The following PCSK1 variants were observed in gnomAD, a reference collection of about 807,000 sequenced individuals.
PCSK1 encodes proprotein convertase subtilisin/kexin type 1.
In PCSK1, 56 loss-of-function variants were observed where a neutral mutation model predicts 90.6. The ratio of observed to expected loss-of-function variants is 0.62; its 90% CI spans 0.50 to 0.77. PCSK1 has a LOEUF of 0.77. Among genes scored for constraint, PCSK1 ranks in the 30% least tolerant of loss-of-function variants. The pLI is 0.00. For synonymous variants in PCSK1, 348 were observed against 342.4 expected, an observed-to-expected ratio of 1.02 and a Z score of -0.18; for missense variants, 801 against 932.6, an observed-to-expected ratio of 0.86 and a Z score of 1.84.
At chr5:96,413,791 A>G (rs1760847876) in intron 6 of PCSK1, among the ~76,000 whole-genome samples, 2 of 94,438 alleles carry the variant, frequency 2.1e-5, no homozygotes, top group African/African-American at 4.3e-5. Context: ...ACAGAGCAAG[A>G]CTCTGTCTCA....
rs749026158 is a variant in PCSK1 at position 96,394,916 on chromosome 5, T to C, written c.1832A>G (p.Asn611Ser). 1 of 1,614,160 alleles carries C rather than the reference T, an allele frequency of 6.2e-7. No homozygotes were observed. Among genetic ancestry groups the C allele is most frequent in the Non-Finnish European group, 8.5e-7 (1 of 1,180,000 alleles). The part of the protein sequence containing the change: ...MKQPRVYTSY[N>S]TVQNDRRGVE... ...CCCTCTTCTGTCATTCTGAACAGTG[T>C]TGTAGGACGTGTACACACGAGGCTG... The change falls in exon 13 of 14, where the codon AAC becomes AGC. Residue 611 changes from asparagine to serine, a missense_variant. By Grantham distance (46) the Asn-to-Ser change is conservative (BLOSUM62 1). Coordinates refer to ENST00000311106, the MANE Select transcript of PCSK1 (RefSeq NM_000439.5).
At chr5:96,403,036 G>T (rs1760437472) in intron 9 of PCSK1, among the ~76,000 whole-genome samples, 1 of 152,168 alleles carries the variant, frequency 6.6e-6, no homozygotes, top group Admixed American at 6.5e-5. Flanking sequence ...TCATCAGTAT[G>T]TGCAGGTGCA....
At chr5:96,400,417 A>G (rs564118280) in intron 9 of PCSK1, among the ~76,000 whole-genome samples, 33 of 152,372 alleles carry the variant, frequency 2.2e-4, no homozygotes, top group Non-Finnish European at 3.8e-4. Context: ...TCCAGAGCAT[A>G]TAAGCTTTTA....
Position 96,397,585 on chromosome 5 carries a change from TTTAGTA to T in PCSK1, c.1589-122_1589-117del, listed in dbSNP as rs147690868. The T allele has an allele frequency of 2.4e-3, 2,367 of 966,278 alleles. 47 individuals carry two copies. In the African/African-American group the frequency reaches 0.035, roughly 14 times the overall value. 59.9% of individuals were successfully genotyped at this position (966,278 alleles called of 1,614,324 possible). On this transcript the variant is annotated intron_variant, in intron 11 of 13. Coordinates refer to ENST00000311106, the MANE Select transcript of PCSK1 (RefSeq NM_000439.5). ...AAGATGAGTTCTCCTAATTTTCTCTTTTAGTATAAGACCAGGATAGAGACACTCACA... is the reference window on the plus strand; with the variant it reads ...AAGATGAGTTCTCCTAATTTTCTCTTTAAGACCAGGATAGAGACACTCACA...
chr5:96,404,192 G>T (rs1285176042), intron 9 of PCSK1, among the ~76,000 whole-genome samples: 7 of 152,184 alleles, frequency 4.6e-5, no homozygotes, highest in Non-Finnish European at 1.5e-5. Context: ...GGTGGATGAG[G>T]TTGTAGGAAA....
chr5:96,425,044 GAAAGAAAGAAAGAAAGAA>G (rs1761256678), intron 3 of PCSK1, among the ~76,000 whole-genome samples: 1 of 127,070 alleles, frequency 7.9e-6, no homozygotes, highest in African/African-American at 2.7e-5. Flanking sequence ...AAGAAAGAAA[GAAAGAAAGAAAGAAAGAA>G]AGAAAGAAAG....
chr5:96,423,544 A>G, intron 3 of PCSK1, 85 bp from the exon 4 acceptor site: 1 of 1,248,468 alleles, frequency 8.0e-7, no homozygotes, highest in South Asian at 1.2e-5. Context: ...CTGGAGACCC[A>G]TCTTTCTTTT....
chr5:96,423,559 TG>T, intron 3 of PCSK1, 100 bp from the exon 4 acceptor site: 1 of 1,063,460 alleles, frequency 9.4e-7, no homozygotes, highest in Non-Finnish European at 1.4e-6. Context: ...TCTTTTTCCT[TG>T]GGTCACTCTA....
intron 1 of PCSK1, 73 bp downstream of exon 1, chr5:96,432,790 C>T: frequency 2.3e-6 from 3 of 1,318,880 alleles, no homozygotes; most frequent in Non-Finnish European, 3.3e-6. Context: ...GGGGCTCCCA[C>T]TTGGAAGACC....
At position 96,393,372 on chromosome 5, in the gene PCSK1, G is replaced by A. The variant is rs779179305; in HGVS notation, c.1891C>T (p.Pro631Ser). ...EKMVDPGEEQPTQENPKENTL... is the reference protein window; with the variant it reads ...EKMVDPGEEQSTQENPKENTL... ...TTCTCCTTAGGGTTCTCTTGTGTGG[G>A]CTGCTCCTAAAACATAGAATGCCAT... is the stretch of plus-strand genomic sequence containing the variant. The change falls in exon 14 of 14, where the codon CCC (proline) becomes TCC (serine). Residue 631 changes from proline to serine, a missense_variant. Transcript: ENST00000311106. 1 of 1,613,706 alleles carries A rather than the reference G, an allele frequency of 6.2e-7. No individual in the cohort carries two copies. Among genetic ancestry groups the A allele is most frequent in the Non-Finnish European group, 8.5e-7 (1 of 1,179,900 alleles).
At position 96,398,898 on chromosome 5, in the gene PCSK1, G is replaced by A. The variant is rs568477310; in HGVS notation, c.1569C>T (p.Val523=). 1.9e-6 allele frequency: 3 copies of A among 1,613,504 alleles called. No homozygotes were observed. The South Asian group carries it at 3.3e-5, about 18-fold the overall frequency. Residue 523 remains valine (V), a synonymous_variant, in exon 11 of 14, where the codon GTC becomes GTT. Transcript: ENST00000311106. ...ATTTACCAGCAGCAGAAGTAAGTGT[G>A]ACATGAAGGTCTCCTCTTCGGGAAT... ...IEYSRRGDLH[V]TLTSAAGTST...
intron 1 of PCSK1, chr5:96,432,290 C>T (rs1409967288): frequency 2.3e-5 from 15 of 651,788 alleles, no homozygotes; most frequent in Non-Finnish European, 3.7e-5. Context: ...GGCTACTCCG[C>T]GGCCTCCCAA....
In PCSK1 at chr5:96,432,303, T is replaced by C. The variant is rs1015518042; in HGVS notation, c.180+560A>G. On this transcript the variant is annotated intron_variant, in intron 1 of 13. Coordinates refer to ENST00000311106, the MANE Select transcript of PCSK1 (RefSeq NM_000439.5). The stretch of plus-strand genomic sequence containing the variant: ...CAGGCTACTCCGCGGCCTCCCAACC[T>C]CCTGGTCGCGAGTCCCAGCAGCTGG... 6.4e-6 allele frequency: 4 copies of C among 625,758 alleles called. No homozygotes were observed. In the African/African-American group the frequency reaches 7.4e-5, roughly 12 times the overall value. 38.8% of individuals were successfully genotyped at this position (625,758 alleles called of 1,614,324 possible). A position where few individuals can be genotyped will look rare whatever the true frequency, so the allele number is the denominator to read the frequency against.
At chr5:96,413,885 C>T (rs533357190) in intron 6 of PCSK1, among the ~76,000 whole-genome samples, 13 of 144,672 alleles carry the variant, frequency 9.0e-5, no homozygotes, top group East Asian at 4.1e-4. Flanking sequence ...TTTGGGAGGC[C>T]GAGGCGGGCG....
At chr5:96,400,539 G>C (rs922134301) in intron 9 of PCSK1, among the ~76,000 whole-genome samples, 1 of 152,082 alleles carries the variant, frequency 6.6e-6, no homozygotes, top group Non-Finnish European at 1.5e-5. Context: ...CTTTCTTTAT[G>C]CCCTCCAGTC....
In PCSK1 at chr5:96,429,419, G is replaced by T. The variant is rs1038585663; in HGVS notation, c.181-102C>A. On this transcript the variant is annotated intron_variant, in intron 1 of 13. Coordinates refer to ENST00000311106, the MANE Select transcript of PCSK1 (RefSeq NM_000439.5). ...CTTAGAGATAGGCAACTTTTATTAA[G>T]CCCATTCCTGGTATCTGAAATTAAT... 7.1e-5 allele frequency: 48 copies of T among 676,984 alleles called. 1 individual carries two copies. The Admixed American group carries it at 1.1e-3, about 16-fold the overall frequency. The allele number at this position is 676,984 out of a possible 1,614,324, so 41.9% of individuals were successfully genotyped here.
chr5:96,399,950 T>C lies in PCSK1; in HGVS notation c.1430+3A>G. Reference sequence around the variant, plus strand: ...TGTGTTTAAAATTCCAGGAGATACTTACCTGGGCTCAAAGTCATTGTCCTT... The same window carrying C: ...TGTGTTTAAAATTCCAGGAGATACTCACCTGGGCTCAAAGTCATTGTCCTT... On this transcript the variant is annotated splice_donor_region_variant and intron_variant, in intron 10 of 13. Transcript: ENST00000311106. 1 of 1,603,702 alleles carries C rather than the reference T, an allele frequency of 6.2e-7. No individual in the cohort carries two copies. The highest frequency in any genetic ancestry group is 8.5e-7 in the Non-Finnish European group (1 of 1,170,532).
At chr5:96,411,304 A>G (rs1760747182) in intron 7 of PCSK1, among the ~76,000 whole-genome samples, 1 of 152,148 alleles carries the variant, frequency 6.6e-6, no homozygotes, top group Non-Finnish European at 1.5e-5. Flanking sequence ...AGTTTATGTC[A>G]CTGCACTTAA....
At chr5:96,408,369 G>A in intron 8 of PCSK1, 46 bp from the exon 9 acceptor site, 5 of 1,378,214 alleles carry the variant, frequency 3.6e-6, no homozygotes, top group Non-Finnish European at 5.2e-6. Flanking sequence ...AACACGTGAG[G>A]AGTGTGGGCC....
Sources: allele counts gnomAD v4.1 joint callset (sites outside exome capture counted in the v4.1 genomes callset), GRCh38; gene constraint gnomAD v4.1.1; transcripts MANE v1.5; gene names NCBI Gene and HGNC (gene_info 2026-07-23, HGNC 2026-07-21).